Variants in ASB2 observed in about 807,000 individuals in gnomAD.
ASB2 encodes the protein ankyrin repeat and SOCS box containing 2.
A neutral mutation model predicts 62.4 loss-of-function variants in ASB2; 58 were observed. That is an observed-to-expected ratio of 0.93 (90% CI 0.75 to 1.16). ASB2 has a LOEUF of 1.16. ASB2 is among the 50% of genes most tolerant of loss of function. The probability of loss-of-function intolerance (pLI) is 0.00; values close to 1 mark genes in which losing one functional copy is unlikely to be tolerated. For synonymous variants in ASB2, 386 were observed against 385.3 expected, an observed-to-expected ratio of 1.00 and a Z score of -0.02; for missense variants, 928 against 887.9, an observed-to-expected ratio of 1.05 and a Z score of -0.57.
intron 3 of ASB2, among the ~76,000 whole-genome samples, chr14:93,956,529 G>A (rs1032625904): frequency 2.6e-5 from 4 of 152,124 alleles, no homozygotes; most frequent in African/African-American, 9.7e-5. Flanking sequence ...CTGAGGGGGG[G>A]ATCACCAGCA....
At chr14:93,963,895 G>C (rs148708359) in intron 2 of ASB2, among the ~76,000 whole-genome samples, 1 of 152,204 alleles carries the variant, frequency 6.6e-6, no homozygotes, top group Admixed American at 6.5e-5. Context: ...GGCTGAGAGT[G>C]GGGAGCCAGA....
At position 93,954,392 on chromosome 14, in the gene ASB2, T is replaced by G. The variant is rs753811350; in HGVS notation, c.403A>C (p.Asn135His). Residue 135 changes from asparagine to histidine, a missense_variant, in exon 4 of 10, where the codon AAC (asparagine) becomes CAC (histidine). Physicochemically the swap from Asn to His is moderately conservative, Grantham distance 68. Transcript: ENST00000555019. ...IKEGKNLAEPNKEGWLPLHEA... is the reference protein window; with the variant it reads ...IKEGKNLAEPHKEGWLPLHEA... Reference sequence around the variant, plus strand: ...TGCAGCGGCAGCCAGCCCTCCTTGTTGGGCTCTGCGAGATTCTTCCCTTCC... The same window carrying G: ...TGCAGCGGCAGCCAGCCCTCCTTGTGGGGCTCTGCGAGATTCTTCCCTTCC... The G allele has an allele frequency of 8.1e-6, 13 of 1,613,706 alleles. No individual in the cohort carries two copies. Among genetic ancestry groups the G allele is most frequent in the Non-Finnish European group, 1.1e-5 (13 of 1,179,580 alleles).
Position 93,951,253 on chromosome 14 carries a change from A to G in ASB2, c.635-9T>C, listed in dbSNP as rs1340839219. ...GTTCTTGCGCTCGCAGGCTGTGCTC[A>G]GGGGGAAGCAGGGATGGTCAGCAGG... On this transcript the variant is annotated splice_polypyrimidine_tract_variant and intron_variant, in intron 5 of 9. Coordinates refer to ENST00000555019, the MANE Select transcript of ASB2 (RefSeq NM_001202429.2). 7 of 1,583,080 alleles carry G rather than the reference A, an allele frequency of 4.4e-6. No homozygotes were observed. Among genetic ancestry groups the G allele is most frequent in the Non-Finnish European group, 6.0e-6 (7 of 1,165,718 alleles).
In ASB2 at chr14:93,956,833, G is replaced by A. The variant is rs987294578; in HGVS notation, c.244C>T (p.Pro82Ser). 6.2e-7 allele frequency: 1 copy of A among 1,614,102 alleles called. No homozygotes were observed. Among genetic ancestry groups the A allele is most frequent in the Non-Finnish European group, 8.5e-7 (1 of 1,180,032 alleles). Reference sequence around the variant, plus strand: ...ATGACCCCTTGGAACAAGCCCATTGGGGCCCGGGCCGGCGAACTCTCAGGA... The same window carrying A: ...ATGACCCCTTGGAACAAGCCCATTGAGGCCCGGGCCGGCGAACTCTCAGGA... ...APPESSPARAPMGLFQGVMQK... is the reference protein window; with the variant it reads ...APPESSPARASMGLFQGVMQK... The change falls in exon 3 of 10, where the codon CCA becomes TCA. Residue 82 changes from proline (P) to serine (S), a missense_variant. Coordinates refer to ENST00000555019, the MANE Select transcript of ASB2 (RefSeq NM_001202429.2).
rs35127276 is a variant in ASB2 at position 93,938,233 on chromosome 14, C to CTTTT, written c.1618-386_1618-383dup. 1.2e-3 allele frequency among the ~76,000 whole-genome samples: 81 copies of CTTTT among 67,620 alleles called. 5 individuals are homozygous for CTTTT. The highest frequency in any genetic ancestry group is 4.6e-3 in the East Asian group (8 of 1,736). The allele number at this position is 67,620 out of a possible 152,430, so 44.4% of individuals were successfully genotyped here. On this transcript the variant is annotated intron_variant, in intron 8 of 9. Coordinates refer to ENST00000555019, the MANE Select transcript of ASB2 (RefSeq NM_001202429.2). Reference sequence around the variant, plus strand: ...TGTCTAACTTCCTTTTAAGTTCTGACTTTTTTTTTTTTTTTTTTTTTTTTT... The same window carrying CTTTT: ...TGTCTAACTTCCTTTTAAGTTCTGACTTTTTTTTTTTTTTTTTTTTTTTTTTTTT...
At chr14:93,970,838 A>G (rs1040157118) in intron 1 of ASB2, among the ~76,000 whole-genome samples, 6 of 152,136 alleles carry the variant, frequency 3.9e-5, no homozygotes, top group Non-Finnish European at 8.8e-5. Flanking sequence ...TAAAATGAAG[A>G]TATTAATGGC....
chr14:93,940,960 T>C (rs1056742015), intron 7 of ASB2, among the ~76,000 whole-genome samples: 8 of 152,224 alleles, frequency 5.3e-5, no homozygotes, highest in African/African-American at 1.9e-4. Context: ...CTACCTCTTG[T>C]GTAGCAGTCA....
At chr14:93,938,384 C>T (rs1171501452) in intron 8 of ASB2, among the ~76,000 whole-genome samples, 7 of 151,890 alleles carry the variant, frequency 4.6e-5, no homozygotes, top group Non-Finnish European at 7.4e-5. Flanking sequence ...GGACTACAGG[C>T]GCCGGCCACC....
At chr14:93,970,508 T>C (rs1889729573) in intron 1 of ASB2, among the ~76,000 whole-genome samples, 2 of 152,122 alleles carry the variant, frequency 1.3e-5, no homozygotes, top group South Asian at 4.1e-4. Flanking sequence ...GACTGCCTGC[T>C]ATGGTCCTGT....
intron 7 of ASB2, among the ~76,000 whole-genome samples, chr14:93,945,493 C>T (rs1293317530): frequency 1.3e-5 from 2 of 152,190 alleles, no homozygotes; most frequent in Admixed American, 6.5e-5. Flanking sequence ...TATATCCGTA[C>T]GTATCCATTT....
chr14:93,941,804 G>A, intron 7 of ASB2: 1 of 414,074 alleles, frequency 2.4e-6, no homozygotes, highest in Admixed American at 2.7e-5. Context: ...AGAAATGTGG[G>A]AACTTGAGCA....
Position 93,951,253 on chromosome 14 carries a change from A to AG in ASB2, c.635-10dup. The AG allele has an allele frequency of 6.3e-7, 1 of 1,583,198 alleles. No individual in the cohort carries two copies. The highest frequency in any genetic ancestry group is 8.6e-7 in the Non-Finnish European group (1 of 1,165,710). On this transcript the variant is annotated splice_polypyrimidine_tract_variant and intron_variant, in intron 5 of 9. Transcript: ENST00000555019. ...GTTCTTGCGCTCGCAGGCTGTGCTC[A>AG]GGGGGAAGCAGGGATGGTCAGCAGG... is the stretch of plus-strand genomic sequence containing the variant.
intron 7 of ASB2, 82 bp from the exon 8 acceptor site, chr14:93,939,754 C>G: frequency 1.3e-5 from 15 of 1,132,404 alleles, no homozygotes; most frequent in Non-Finnish European, 1.7e-5. Context: ...CAGGAGAGCT[C>G]GGGCGCCAGG....
At chr14:93,939,705 G>A (rs962239064) in intron 7 of ASB2, 33 bp from the exon 8 acceptor site, 3 of 1,381,770 alleles carry the variant, frequency 2.2e-6, no homozygotes, top group Non-Finnish European at 2.8e-6. Flanking sequence ...CGGGTGAGGG[G>A]AGGGTCGGGG....
At chr14:93,937,013 C>T (rs1440580499) in intron 9 of ASB2, among the ~76,000 whole-genome samples, 2 of 152,198 alleles carry the variant, frequency 1.3e-5, no homozygotes, top group Non-Finnish European at 2.9e-5. Flanking sequence ...GGACAGTGGC[C>T]GAACTCCACT....
chr14:93,947,008 C>T (rs1888751890), intron 7 of ASB2, among the ~76,000 whole-genome samples: 1 of 152,224 alleles, frequency 6.6e-6, no homozygotes, highest in Admixed American at 6.5e-5. Context: ...CTCAACCTCT[C>T]TGTGTCTTAG....
rs149685515 is a variant in ASB2 at position 93,939,311 on chromosome 14, C to A, written c.1414G>T (p.Ala472Ser). 1 of 1,609,358 alleles carries A rather than the reference C, an allele frequency of 6.2e-7. No homozygotes were observed. The highest frequency in any genetic ancestry group is 1.3e-5 in the African/African-American group (1 of 74,828). ...DHGANIDAYI[A>S]THPTAFPATI... The stretch of plus-strand genomic sequence containing the variant: ...GCGGGGAAGGCGGTGGGGTGCGTGG[C>A]GATATAGGCGTCGATGTTCGCGCCG... Residue 472 changes from alanine to serine, a missense_variant, in exon 8 of 10, where the codon GCC (alanine) becomes TCC (serine). Physicochemically the swap from Ala to Ser is moderately conservative, Grantham distance 99. Transcript: ENST00000555019.
At chr14:93,974,848 C>G (rs995050911) in intron 1 of ASB2, among the ~76,000 whole-genome samples, 2 of 152,240 alleles carry the variant, frequency 1.3e-5, no homozygotes, top group African/African-American at 4.8e-5. Flanking sequence ...CAAAGGCTTG[C>G]TGGTATGGCC....
intron 3 of ASB2, 72 bp from the exon 4 acceptor site, chr14:93,954,555 G>C (rs1432658487): frequency 2.1e-6 from 3 of 1,405,814 alleles, no homozygotes; most frequent in Non-Finnish European, 3.0e-6. Flanking sequence ...TCTCTCAGGA[G>C]TGCTGGCAGT....
Sources: allele counts gnomAD v4.1 joint callset (sites outside exome capture counted in the v4.1 genomes callset), GRCh38; gene constraint gnomAD v4.1.1; transcripts MANE v1.5; gene names NCBI Gene and HGNC (gene_info 2026-07-23, HGNC 2026-07-21).